PSG2: variants seen among roughly 807,000 people sequenced by gnomAD.
PSG2 encodes pregnancy-specific beta-1-glycoprotein 2.
PSG2 carries 49 observed loss-of-function variants against 36.2 expected under a neutral mutation model. That is an observed-to-expected ratio of 1.35 (90% confidence interval 1.08 to 1.72). The LOEUF is 1.72. Among genes scored for constraint, PSG2 ranks in the 40% most tolerant of loss-of-function variants. PSG2 has a pLI of 0.00. For missense variants in PSG2, 605 were observed against 407.2 expected (o/e 1.49, Z -4.18); for synonymous variants, 261 against 155.6 (o/e 1.68, Z -5.04).
intron 2 of PSG2, among the ~76,000 whole-genome samples, chr19:43,078,438 T>C (rs1220516473): frequency 6.6e-6 from 1 of 151,772 alleles, no homozygotes; most frequent in African/African-American, 2.4e-5. Flanking sequence ...ATAACATCAC[T>C]ATTATAGAAG....
At chr19:43,075,217 C>T (rs1967875478) in intron 3 of PSG2, 137 bp downstream of exon 3, 9 of 1,573,168 alleles carry the variant, frequency 5.7e-6, no homozygotes, top group Non-Finnish European at 8.7e-7. Flanking sequence ...TTGCCTGGGG[C>T]AGAAAGTCAT....
In PSG2 at chr19:43,082,604, A is replaced by C. The variant is rs779875969; in HGVS notation, c.-35T>G. On this transcript the variant is annotated 5_prime_UTR_variant, in exon 1 of 6. Transcript: ENST00000406487. ...TGCCTGTGTGTTCTCCTCTGTGGAGATGAGCCTAGGATCCAGAAACTTCCT... is the reference window on the plus strand; with the variant it reads ...TGCCTGTGTGTTCTCCTCTGTGGAGCTGAGCCTAGGATCCAGAAACTTCCT... The C allele has an allele frequency of 4.5e-5, 72 of 1,607,592 alleles. 1 individual carries two copies. The highest frequency in any genetic ancestry group is 2.6e-4 in the South Asian group (24 of 90,848).
At position 43,071,701 on chromosome 19, in the gene PSG2, A is replaced by G. The variant is rs537202692; in HGVS notation, c.963T>C (p.Ser321=). 6 of 1,612,994 alleles carry G rather than the reference A, an allele frequency of 3.7e-6. No individual in the cohort carries two copies. In the African/African-American group the frequency reaches 6.7e-5, roughly 18 times the overall value. ...ESSTSLTVKV[S]ASTRIGLLPL... ...CCAAGGATGCTGGGATCCACTTACC[A>G]GAGACTTTGACTGTCAACGATGTGG... Residue 321 remains serine, a splice_region_variant and synonymous_variant, in exon 4 of 6, where the codon TCT becomes TCC. Coordinates refer to ENST00000406487, the MANE Select transcript of PSG2 (RefSeq NM_031246.4).
chr19:43,067,706 T>G (rs1005171313), intron 4 of PSG2, among the ~76,000 whole-genome samples: 2 of 151,380 alleles, frequency 1.3e-5, no homozygotes, highest in African/African-American at 4.9e-5. Context: ...ATGATGATAG[T>G]AATATAGTAG....
intron 2 of PSG2, 73 bp downstream of exon 2, chr19:43,080,808 T>G: frequency 6.2e-7 from 1 of 1,611,658 alleles, no homozygotes; most frequent in South Asian, 1.1e-5. Context: ...AGTCTAGGCC[T>G]GACAATCCTG....
chr19:43,079,084 G>T (rs1323014134), intron 2 of PSG2, among the ~76,000 whole-genome samples: 1 of 151,740 alleles, frequency 6.6e-6, no homozygotes, highest in Non-Finnish European at 1.5e-5. Context: ...AGCCTAGTTA[G>T]AGGGAGTGTC....
rs113799041 is a variant in PSG2, at chr19:43,082,299, C to T, written c.64+207G>A. 117 of 723,056 alleles carry T rather than the reference C, an allele frequency of 1.6e-4. 3 individuals are homozygous for T. In the African/African-American group the frequency reaches 1.7e-3, roughly 11 times the overall value. 44.8% of individuals were successfully genotyped at this position (723,056 alleles called of 1,614,324 possible). On this transcript the variant is annotated intron_variant, in intron 1 of 5. Coordinates refer to ENST00000406487, the MANE Select transcript of PSG2 (RefSeq NM_031246.4). ...GGAATTACAGGAACACACGACAATA[C>T]CTGGTTAATTTTTTGTATTTTTAGT... is the stretch of plus-strand genomic sequence containing the variant.
intron 3 of PSG2, chr19:43,072,263 T>C: frequency 1.9e-6 from 3 of 1,566,366 alleles, no homozygotes; most frequent in South Asian, 1.2e-5. Flanking sequence ...AAGTTGTCTA[T>C]ACTTGGACCG....
intron 2 of PSG2, among the ~76,000 whole-genome samples, chr19:43,078,040 G>GCT (rs1967922071): frequency 1.3e-5 from 2 of 151,634 alleles, no homozygotes; most frequent in Non-Finnish European, 2.9e-5. Flanking sequence ...TGGGCTTGGG[G>GCT]GACTGCAGGC....
At chr19:43,075,244 T>C (rs1214330001) in intron 3 of PSG2, 110 bp downstream of exon 3, 20 of 1,604,252 alleles carry the variant, frequency 1.2e-5, no homozygotes, top group African/African-American at 6.7e-5. Flanking sequence ...CTTTGATGCC[T>C]AGGGGTAAAG....
At chr19:43,066,205 A>G (rs1423375099) in intron 5 of PSG2, among the ~76,000 whole-genome samples, 1 of 151,734 alleles carries the variant, frequency 6.6e-6, no homozygotes, top group Non-Finnish European at 1.5e-5. Context: ...CTTTATGGGA[A>G]TGGAGAGAAT....
Position 43,075,150 on chromosome 19 carries a change from T to C in PSG2, c.709+204A>G, listed in dbSNP as rs533611823. Among the ~76,000 whole-genome samples, 31 of 151,896 alleles carry C rather than the reference T, an allele frequency of 2.0e-4. 1 individual carries two copies. Among genetic ancestry groups the C allele is most frequent in the Admixed American group, 7.2e-4 (11 of 15,254 alleles). ...CACAAGCTGTGGACCCTGAGTCTCC[T>C]ATGACAGGAGGAGCCTCTTTTCTCC... On this transcript the variant is annotated intron_variant, in intron 3 of 5. Coordinates refer to ENST00000406487, the MANE Select transcript of PSG2 (RefSeq NM_031246.4).
intron 2 of PSG2, among the ~76,000 whole-genome samples, chr19:43,080,301 T>A (rs1462710408): frequency 2.0e-5 from 3 of 151,624 alleles, no homozygotes; most frequent in Non-Finnish European, 2.9e-5. Flanking sequence ...TTGACCTCTG[T>A]CCTCTACACC....
chr19:43,074,009 T>A (rs1244566074), intron 3 of PSG2, among the ~76,000 whole-genome samples: 3 of 151,690 alleles, frequency 2.0e-5, no homozygotes, highest in African/African-American at 7.3e-5. Flanking sequence ...TCACCACGTT[T>A]CTGGCTTGGT....
At chr19:43,082,277 A>T (rs1967991564) in intron 1 of PSG2, 2 of 589,240 alleles carry the variant, frequency 3.4e-6, no homozygotes, top group Admixed American at 6.6e-5. Flanking sequence ...AGTAGCTGGA[A>T]TTACAGGAAC....
Position 43,077,748 on chromosome 19 carries a change from A to G in PSG2, c.431-2116T>C, listed in dbSNP as rs146696493. On this transcript the variant is annotated intron_variant, in intron 2 of 5. Transcript: ENST00000406487. ...ACAACTACATAATTTAAAAATTGCT[A>G]CTGTCAAAACAAAATATTAAATATG... 2.0e-3 allele frequency among the ~76,000 whole-genome samples: 309 copies of G among 151,890 alleles called. 9 individuals are homozygous for G. Among genetic ancestry groups the G allele is most frequent in the African/African-American group, 6.4e-3 (265 of 41,246 alleles).
At chr19:43,078,098 G>A (rs200179803) in intron 2 of PSG2, among the ~76,000 whole-genome samples, 1 of 151,778 alleles carries the variant, frequency 6.6e-6, no homozygotes, top group Non-Finnish European at 1.5e-5. Flanking sequence ...GATTACAACA[G>A]TGACAGCAAA....
intron 2 of PSG2, among the ~76,000 whole-genome samples, chr19:43,078,368 T>A (rs575877871): frequency 8.6e-5 from 13 of 151,904 alleles, no homozygotes; most frequent in African/African-American, 2.9e-4. Flanking sequence ...CTATAATCCC[T>A]GACTGCTCCA....
chr19:43,069,513 T>G (rs1204541277), intron 4 of PSG2, among the ~76,000 whole-genome samples: 1 of 151,704 alleles, frequency 6.6e-6, no homozygotes, highest in Non-Finnish European at 1.5e-5. Flanking sequence ...AAGGAGGACA[T>G]AGAAATTAAT....
Sources: allele counts gnomAD v4.1 joint callset (sites outside exome capture counted in the v4.1 genomes callset), GRCh38; gene constraint gnomAD v4.1.1; transcripts MANE v1.5; gene names NCBI Gene and HGNC (gene_info 2026-07-23, HGNC 2026-07-21).